The following TRAPPC9 variants were observed in gnomAD, a reference collection of about 807,000 sequenced individuals.
The protein encoded by TRAPPC9 is IKK2 binding protein.
TRAPPC9 carries 83 observed loss-of-function variants against 124.0 expected under a neutral mutation model. The ratio of observed to expected loss-of-function variants is 0.67; its 90% CI spans 0.56 to 0.80. TRAPPC9 has a LOEUF of 0.80. Among genes scored for constraint, TRAPPC9 ranks in the 30% least tolerant of loss-of-function variants. TRAPPC9 has a pLI of 0.00. For synonymous variants in TRAPPC9, 638 were observed against 617.5 expected (o/e 1.03, Z -0.49); for missense variants, 1,302 against 1,508.3 (o/e 0.86, Z 2.27).
At chr8:139,822,516 T>C (rs187333991) in intron 21 of TRAPPC9, among the ~76,000 whole-genome samples, 17 of 152,264 alleles carry the variant, frequency 1.1e-4, no homozygotes, top group African/African-American at 4.1e-4. Flanking sequence ...TGACACCCTA[T>C]TGTGCGGTTG....
rs1057092425 is a variant in TRAPPC9 at position 139,790,316 on chromosome 8, C to G, written c.3056-58114G>C. Among the ~76,000 whole-genome samples, 6 of 152,318 alleles carry G rather than the reference C, an allele frequency of 3.9e-5. 1 individual carries two copies. The highest frequency in any genetic ancestry group is 3.3e-4 in the Admixed American group (5 of 15,304). ...CTCCACTAATCACATTCAGAAGTTCCGAGCCCACCACCTAGAGTTTCAGAA... is the reference window on the plus strand; with the variant it reads ...CTCCACTAATCACATTCAGAAGTTCGGAGCCCACCACCTAGAGTTTCAGAA... On this transcript the variant is annotated intron_variant, in intron 21 of 22. Transcript: ENST00000438773.
intron 17 of TRAPPC9, among the ~76,000 whole-genome samples, chr8:140,077,058 C>G (rs1013971424): frequency 6.6e-6 from 1 of 151,590 alleles, no homozygotes; most frequent in Non-Finnish European, 1.5e-5. Context: ...CCCAGCCACT[C>G]GGGAGGCTGA....
chr8:140,098,043 A>T (rs1416258615), intron 17 of TRAPPC9: 1 of 151,896 alleles, frequency 6.6e-6, no homozygotes, highest in Non-Finnish European at 1.5e-5. Flanking sequence ...GGTAGCTCTC[A>T]GTGCCGGCTT....
chr8:140,451,085 C>G lies in TRAPPC9; in HGVS notation c.289G>C (p.Glu97Gln). 6.2e-7 allele frequency: 1 copy of G among 1,614,026 alleles called. No homozygotes were observed. Among genetic ancestry groups the G allele is most frequent in the Non-Finnish European group, 8.5e-7 (1 of 1,180,000 alleles). ...ATCTCCTTCTGCACGTGGAACTTCTCAAAGGTCTGTGGCCAGTCCTTGGCC... is the reference window on the plus strand; with the variant it reads ...ATCTCCTTCTGCACGTGGAACTTCTGAAAGGTCTGTGGCCAGTCCTTGGCC... ...FSAKDWPQTFEKFHVQKEIYG... is the reference protein window; with the variant it reads ...FSAKDWPQTFQKFHVQKEIYG... The change falls in exon 2 of 23, where the codon GAG (glutamate) becomes CAG (glutamine). Residue 97 changes from glutamate (E) to glutamine (Q), a missense_variant. By Grantham distance (29) the Glu-to-Gln change is conservative (BLOSUM62 2). Around this residue, in one of 3 missense-constraint regions of TRAPPC9, gnomAD observed 657 missense variants for 811.2 expected, o/e 0.81. Coordinates refer to ENST00000438773, the MANE Select transcript of TRAPPC9 (RefSeq NM_001160372.4).
At chr8:139,734,991 C>T (rs570326944) in intron 21 of TRAPPC9, among the ~76,000 whole-genome samples, 1 of 152,342 alleles carries the variant, frequency 6.6e-6, no homozygotes, top group African/African-American at 2.4e-5. Flanking sequence ...TGAGTCTGAC[C>T]AGGCTGGGAT....
chr8:140,381,234 A>C (rs1007024295), intron 7 of TRAPPC9, among the ~76,000 whole-genome samples: 2 of 151,938 alleles, frequency 1.3e-5, no homozygotes, highest in Non-Finnish European at 2.9e-5. Flanking sequence ...GAAGAAAAGA[A>C]AAAGAAAGAA....
chr8:140,207,556 A>T (rs950916864), intron 17 of TRAPPC9, among the ~76,000 whole-genome samples: 1 of 152,210 alleles, frequency 6.6e-6, no homozygotes. Flanking sequence ...CTTCACATGG[A>T]TCATGCTGAA....
At chr8:139,863,746 C>G (rs888009500) in intron 21 of TRAPPC9, among the ~76,000 whole-genome samples, 2 of 152,242 alleles carry the variant, frequency 1.3e-5, no homozygotes, top group Admixed American at 1.3e-4. Context: ...GGGACAACCC[C>G]GAACATCACC....
chr8:140,184,561 G>C (rs555976099), intron 17 of TRAPPC9, among the ~76,000 whole-genome samples: 1 of 151,874 alleles, frequency 6.6e-6, no homozygotes, highest in East Asian at 1.9e-4. Flanking sequence ...TCAGCCTCCC[G>C]AACAGCTGGG....
At chr8:139,773,515 C>T (rs1199635771) in intron 21 of TRAPPC9, among the ~76,000 whole-genome samples, 2 of 152,146 alleles carry the variant, frequency 1.3e-5, no homozygotes, top group African/African-American at 4.8e-5. Flanking sequence ...GGTGGACGGA[C>T]CTCAGAGGTC....
chr8:140,115,458 G>A (rs1054916148), intron 17 of TRAPPC9, among the ~76,000 whole-genome samples: 12 of 151,882 alleles, frequency 7.9e-5, no homozygotes, highest in African/African-American at 2.2e-4. Flanking sequence ...TAGTAGAGAC[G>A]GGGTTTCACC....
chr8:140,289,912 A>G (rs1347264971), intron 12 of TRAPPC9, among the ~76,000 whole-genome samples: 1 of 152,224 alleles, frequency 6.6e-6, no homozygotes, highest in African/African-American at 2.4e-5. Flanking sequence ...CCAGGAGCTC[A>G]GACAGATTTC....
At chr8:140,045,536 A>G (rs1216705975) in intron 17 of TRAPPC9, among the ~76,000 whole-genome samples, 1 of 148,932 alleles carries the variant, frequency 6.7e-6, no homozygotes, top group African/African-American at 2.5e-5. Flanking sequence ...GTGAGGCAGG[A>G]GAATCACTTG....
At chr8:140,251,387 G>A (rs1023729526) in intron 16 of TRAPPC9, among the ~76,000 whole-genome samples, 4 of 152,204 alleles carry the variant, frequency 2.6e-5, no homozygotes, top group African/African-American at 7.2e-5. Flanking sequence ...AAAAATCCGT[G>A]TCATCAGACA....
At chr8:140,458,376 C>A, upstream of TRAPPC9, 1 of 1,597,786 alleles carries the variant, frequency 6.3e-7, no homozygotes. Flanking sequence ...TGCGGCACCC[C>A]CTGTGACCCT....
At position 139,947,618 on chromosome 8, in the gene TRAPPC9, G is replaced by A. The variant is rs964723060; in HGVS notation, c.2811-37318C>T. Among the ~76,000 whole-genome samples, 27 of 151,890 alleles carry A rather than the reference G, an allele frequency of 1.8e-4. 1 individual carries two copies. Among genetic ancestry groups the A allele is most frequent in the Non-Finnish European group, 5.9e-5 (4 of 67,988 alleles). On this transcript the variant is annotated intron_variant, in intron 19 of 22. Transcript: ENST00000438773. ...CTCACGCCTGTAATCCCAGCACTTT[G>A]GGAGGCCTAGGCAGGTGGATCACCT...
At chr8:140,288,685 T>TA (rs762839861) in intron 12 of TRAPPC9, among the ~76,000 whole-genome samples, 1 of 152,078 alleles carries the variant, frequency 6.6e-6, no homozygotes, top group Admixed American at 6.5e-5. Context: ...CGAGTACATT[T>TA]AGCAAAGTGA....
intron 17 of TRAPPC9, among the ~76,000 whole-genome samples, chr8:140,185,346 G>C (rs4634619): frequency 6.6e-6 from 1 of 152,068 alleles, no homozygotes; most frequent in Non-Finnish European, 1.5e-5. Context: ...AGAGGAGGCT[G>C]GACAGGTGGC....
intron 17 of TRAPPC9, among the ~76,000 whole-genome samples, chr8:140,053,988 G>A (rs1842152993): frequency 1.3e-5 from 2 of 152,220 alleles, no homozygotes; most frequent in Admixed American, 1.3e-4. Context: ...ATACTATGCA[G>A]CCATAGCAAA....
Sources: gnomAD v4.1 joint callset for allele counts (sites outside exome capture counted in the v4.1 genomes callset) on GRCh38, gnomAD v4.1.1 for gene constraint, gnomAD v4.1.1 regional missense constraint, MANE v1.5 for transcripts, NCBI Gene and HGNC (gene_info 2026-07-23, HGNC 2026-07-21) for gene names.